SEMA3D: variants seen among roughly 807,000 people sequenced by gnomAD.
The protein encoded by SEMA3D is semaphorin 3D, also known as semaphorin-3D.
Under a neutral mutation model 100.1 loss-of-function variants are expected in SEMA3D, and 84 were observed. The observed-to-expected ratio is 0.84, with a 90% confidence interval of 0.70 to 1.01. The LOEUF (loss-of-function observed/expected upper bound fraction) is 1.01, where lower values mean the gene tolerates loss of function less well. SEMA3D is among the 50% of genes least tolerant of loss of function. SEMA3D has a pLI of 0.00. For synonymous variants in SEMA3D, 312 were observed against 320.7 expected (o/e 0.97, Z 0.29); for missense variants, 875 against 934.1 (o/e 0.94, Z 0.82).
the SEMA3D span, among the ~76,000 whole-genome samples, chr7:85,233,374 G>A: frequency 1.1e-3 from 171 of 152,286 alleles, no homozygotes; most frequent in African/African-American, 3.5e-3. Flanking sequence ...GATCAAGTTC[G>A]AATGTGTGAG....
intron 2 of SEMA3D, among the ~76,000 whole-genome samples, chr7:85,139,384 AT>A (rs1199561067): frequency 2.0e-5 from 3 of 152,134 alleles, no homozygotes; most frequent in Admixed American, 6.6e-5. Context: ...TGTAGCAAAA[AT>A]ATCGTTATTC....
chr7:85,226,080 T>G, the SEMA3D span, among the ~76,000 whole-genome samples: 7 of 152,160 alleles, frequency 4.6e-5, no homozygotes, highest in African/African-American at 9.6e-5. Context: ...ATTCCCATAT[T>G]TTTAAACAAA....
At chr7:85,097,741 A>G in intron 4 of SEMA3D, 64 bp downstream of exon 4, 1 of 1,081,066 alleles carries the variant, frequency 9.3e-7, no homozygotes, top group South Asian at 1.7e-5. Flanking sequence ...AGCAAAACAA[A>G]ACGGGAGAAG....
chr7:85,099,563 T>G (rs1044302839), intron 3 of SEMA3D, among the ~76,000 whole-genome samples: 24 of 151,950 alleles, frequency 1.6e-4, no homozygotes, highest in African/African-American at 5.8e-4. Flanking sequence ...CTAAGGAGCA[T>G]GACTGTTGGG....
chr7:85,127,220 T>C (rs1328977093), intron 2 of SEMA3D, among the ~76,000 whole-genome samples: 1 of 152,148 alleles, frequency 6.6e-6, no homozygotes, highest in Non-Finnish European at 1.5e-5. Context: ...CAGAAATTAG[T>C]TGTAGAGCTG....
chr7:85,111,283 G>A (rs1789085455), intron 3 of SEMA3D, among the ~76,000 whole-genome samples: 1 of 151,992 alleles, frequency 6.6e-6, no homozygotes, highest in South Asian at 2.1e-4. Flanking sequence ...GAACTTCAGG[G>A]TTATATATGT....
chr7:85,087,813 G>A (rs1788271151), intron 4 of SEMA3D, among the ~76,000 whole-genome samples: 1 of 151,950 alleles, frequency 6.6e-6, no homozygotes, highest in Admixed American at 6.6e-5. Flanking sequence ...GCTAACCTTG[G>A]AAGGCTCAAA....
the SEMA3D span, among the ~76,000 whole-genome samples, chr7:85,216,766 A>G: frequency 1.3e-5 from 2 of 152,140 alleles, no homozygotes; most frequent in South Asian, 2.1e-4. Flanking sequence ...TACAATGTCT[A>G]TGAAATTTGT....
chr7:85,164,104 G>T (rs181451529), intron 1 of SEMA3D, among the ~76,000 whole-genome samples: 184 of 152,194 alleles, frequency 1.2e-3, no homozygotes, highest in African/African-American at 4.2e-3. Context: ...GAGAAGTGTA[G>T]TGAGTGCTTC....
At chr7:85,138,776 T>C (rs1157348679) in intron 2 of SEMA3D, among the ~76,000 whole-genome samples, 1 of 151,624 alleles carries the variant, frequency 6.6e-6, no homozygotes, top group Non-Finnish European at 1.5e-5. Context: ...ACCCGTCATC[T>C]ACATTAGGTA....
the SEMA3D span, among the ~76,000 whole-genome samples, chr7:85,219,964 T>A: frequency 7.9e-5 from 12 of 152,062 alleles, no homozygotes; most frequent in Non-Finnish European, 1.5e-5. Flanking sequence ...AGTTTGTTGG[T>A]AGGAAATGTT....
rs574849378 is a variant in SEMA3D, at chr7:85,151,740, A to G, written c.-41+1868T>C. 23 of 918,622 alleles carry G rather than the reference A, an allele frequency of 2.5e-5. No individual in the cohort carries two copies. In the African/African-American group the frequency reaches 2.7e-4, roughly 11 times the overall value. The allele number at this position is 918,622 out of a possible 1,614,324, so 56.9% of individuals were successfully genotyped here. On this transcript the variant is annotated intron_variant, in intron 2 of 18. Coordinates refer to ENST00000284136, the MANE Select transcript of SEMA3D (RefSeq NM_001384900.1). ...CTTTTTGTGGTAATATTTTCTGTTT[A>G]GTTCATCACATTGACCTGAAGTAGA...
chr7:85,007,702 C>T (rs182093013), intron 17 of SEMA3D, among the ~76,000 whole-genome samples: 1 of 151,746 alleles, frequency 6.6e-6, no homozygotes, highest in African/African-American at 2.4e-5. Context: ...AGCTCTAGCT[C>T]AAATTTGATC....
At chr7:85,062,710 T>C (rs1029075527) in intron 8 of SEMA3D, among the ~76,000 whole-genome samples, 1 of 152,202 alleles carries the variant, frequency 6.6e-6, no homozygotes, top group African/African-American at 2.4e-5. Flanking sequence ...AAGGCTTACA[T>C]ATCTTGATTT....
chr7:85,068,441 TA>T (rs2116162393), intron 6 of SEMA3D, among the ~76,000 whole-genome samples, 157 bp from the exon 7 acceptor site: 1 of 152,236 alleles, frequency 6.6e-6, no homozygotes, highest in Non-Finnish European at 1.5e-5. Context: ...TTTTAGCAAA[TA>T]TATCTGGCAA....
At chr7:85,009,747 TC>T (rs1789900065) in intron 17 of SEMA3D, among the ~76,000 whole-genome samples, 1 of 151,864 alleles carries the variant, frequency 6.6e-6, no homozygotes, top group African/African-American at 2.4e-5. Context: ...CTTTATAAAA[TC>T]TAACTTTCTC....
the SEMA3D span, among the ~76,000 whole-genome samples, chr7:85,215,562 A>C: frequency 6.6e-6 from 1 of 152,232 alleles, no homozygotes; most frequent in East Asian, 1.9e-4. Flanking sequence ...TCTTTGAGTA[A>C]TAGTTCTCAA....
At chr7:85,091,719 G>A (rs890379909) in intron 4 of SEMA3D, among the ~76,000 whole-genome samples, 2 of 152,022 alleles carry the variant, frequency 1.3e-5, no homozygotes, top group African/African-American at 2.4e-5. Context: ...AAACCATATT[G>A]TACAAATGTC....
At chr7:85,196,300 G>T in the SEMA3D span, among the ~76,000 whole-genome samples, 1 of 151,818 alleles carries the variant, frequency 6.6e-6, no homozygotes, top group African/African-American at 2.4e-5. Flanking sequence ...AATTCCAGAG[G>T]GATTTGATCT....
Sources: gnomAD v4.1 joint callset for allele counts (sites outside exome capture counted in the v4.1 genomes callset) on GRCh38, gnomAD v4.1.1 for gene constraint, MANE v1.5 for transcripts, NCBI Gene and HGNC (gene_info 2026-07-23, HGNC 2026-07-21) for gene names.